Variants in F8 observed in about 807,000 individuals in gnomAD.
F8 encodes the protein coagulation factor VIII.
A neutral mutation model predicts 140.6 loss-of-function variants in F8; 12 were observed. That is an observed-to-expected ratio of 0.09 (90% CI 0.05 to 0.14). F8 has a LOEUF of 0.14. Ranked by LOEUF, F8 falls within the 10% of genes least tolerant of loss-of-function variation. The pLI, the probability that F8 is intolerant of heterozygous loss-of-function variation, is 1.00. For synonymous variants in F8, 585 were observed against 614.6 expected, an observed-to-expected ratio of 0.95 and a Z score of 0.71; for missense variants, 1,354 against 1,720.7, an observed-to-expected ratio of 0.79 and a Z score of 3.77.
chrX:155,007,413 A>G (rs1176449262), intron 1 of F8, among the ~76,000 whole-genome samples: 1 of 111,914 alleles, frequency 8.9e-6, no homozygotes, highest in African/African-American at 3.3e-5. Context: ...TGATCTAGCT[A>G]CTGTTGCCAC....
intron 22 of F8, among the ~76,000 whole-genome samples, chrX:154,895,359 A>C (rs2072973497): frequency 8.9e-6 from 1 of 112,259 alleles, no homozygotes; most frequent in South Asian, 3.7e-4. Flanking sequence ...GACAATGGGA[A>C]GACATTGAAA....
chrX:154,986,926 C>T (rs2073561612), intron 5 of F8, among the ~76,000 whole-genome samples: 1 of 111,125 alleles, frequency 9.0e-6, no homozygotes, highest in East Asian at 2.8e-4. Flanking sequence ...GGTTAAATAA[C>T]TTGCCAAAGG....
intron 10 of F8, 33 bp downstream of exon 10, chrX:154,961,042 T>A (rs1462376958): frequency 1.1e-6 from 1 of 949,297 alleles, no homozygotes; most frequent in Non-Finnish European, 1.5e-6. Context: ...TATCTACAGG[T>A]AAAAAAGAGC....
At position 154,930,106 on chromosome X, in the gene F8, T is replaced by G; in HGVS notation, c.3684A>C (p.Val1228=). 8.3e-7 allele frequency: 1 copy of G among 1,210,770 alleles called. No individual in the cohort carries two copies. The highest frequency in any genetic ancestry group is 1.1e-6 in the Non-Finnish European group (1 of 894,840). Residue 1228 remains valine (V), a synonymous_variant, in exon 14 of 26, where the codon GTA becomes GTC. Transcript: ENST00000360256. ...EKKETLIQEN[V]VLPQIHTVTG... ...TCACTGTATGTATCTGAGGCAAAAC[T>G]ACATTCTCTTGGATTAATGTTTCCT...
At chrX:155,021,896 C>A (rs1016072671) in intron 1 of F8, among the ~76,000 whole-genome samples, 31 of 111,842 alleles carry the variant, frequency 2.8e-4, no homozygotes, top group Non-Finnish European at 2.1e-4. Flanking sequence ...TTATTTAATA[C>A]TCTGCCTAAA....
chrX:154,936,023 C>CACACACAAAA (rs1338414054), intron 13 of F8, among the ~76,000 whole-genome samples: 5 of 93,678 alleles, frequency 5.3e-5, no homozygotes, highest in African/African-American at 1.8e-4. Context: ...CACACACACA[C>CACACACAAAA]AAAAATCAAA....
chrX:155,010,995 T>C (rs1415293717), intron 1 of F8, among the ~76,000 whole-genome samples: 2 of 112,239 alleles, frequency 1.8e-5, no homozygotes, highest in South Asian at 3.6e-4. Flanking sequence ...TGATTTGACA[T>C]TGATTTCTTA....
chrX:154,844,266 C>G (rs113786752), intron 25 of F8, among the ~76,000 whole-genome samples: 1 of 111,825 alleles, frequency 8.9e-6, no homozygotes, highest in East Asian at 2.8e-4. Flanking sequence ...ATTGACTTGG[C>G]AATGCGGGCT....
chrX:154,997,186 A>G (rs1557285183), intron 2 of F8, 91 bp from the exon 3 acceptor site: 1 of 1,022,991 alleles, frequency 9.8e-7, no homozygotes, highest in Non-Finnish European at 1.4e-6. Flanking sequence ...GTCACAGTGG[A>G]GAAGCATGCC....
At chrX:154,975,434 A>C (rs1284231552) in intron 6 of F8, among the ~76,000 whole-genome samples, 1 of 112,285 alleles carries the variant, frequency 8.9e-6, no homozygotes, top group Admixed American at 9.4e-5. Flanking sequence ...GCAGGAAAAA[A>C]ATACTTCATT....
intron 25 of F8, among the ~76,000 whole-genome samples, chrX:154,840,358 G>C (rs2072510629): frequency 9.0e-6 from 1 of 111,540 alleles, no homozygotes; most frequent in African/African-American, 3.3e-5. Flanking sequence ...AAGCCCTTCA[G>C]ACCAGTTTCT....
intron 25 of F8, among the ~76,000 whole-genome samples, chrX:154,846,426 T>C (rs2072566744): frequency 9.0e-6 from 1 of 111,610 alleles, no homozygotes; most frequent in Non-Finnish European, 1.9e-5. Context: ...CTAAGTCTCT[T>C]TGTAGGTCTC....
chrX:154,839,977 G>A (rs891224323), intron 25 of F8, among the ~76,000 whole-genome samples: 8 of 112,380 alleles, frequency 7.1e-5, no homozygotes, highest in Non-Finnish European at 1.3e-4. Context: ...TGTTTACGCT[G>A]TATTTGGAGG....
Position 154,904,475 on chromosome X carries a change from G to A in F8, c.5636C>T (p.Thr1879Ile), listed in dbSNP as rs200919346. The change falls in exon 17 of 26, where the codon ACT becomes ATT. Residue 1879 changes from threonine (T) to isoleucine (I), a missense_variant. Around this residue, in one of 4 missense-constraint regions of F8, gnomAD observed 316 missense variants for 485.4 expected, o/e 0.65. Transcript: ENST00000360256. ...GLIGPLLVCH[T>I]NTLNPAHGRQ... ...CCCATGAGCAGGGTTCAGTGTGTTA[G>A]TGTGGCAGACCAGAAGGGGTCCAAT... The A allele has an allele frequency of 3.3e-6, 4 of 1,211,490 alleles. No homozygotes were observed. Among genetic ancestry groups the A allele is most frequent in the South Asian group, 3.5e-5 (2 of 56,962 alleles).
chrX:154,904,162 T>A, intron 17 of F8, 74 bp from the exon 18 acceptor site: 1 of 1,129,949 alleles, frequency 8.8e-7, no homozygotes, highest in South Asian at 1.8e-5. Context: ...CCAAAAAAAC[T>A]GACATCTATG....
intron 25 of F8, among the ~76,000 whole-genome samples, chrX:154,848,677 C>T (rs2072590269): frequency 8.9e-6 from 1 of 111,753 alleles, no homozygotes; most frequent in African/African-American, 3.3e-5. Flanking sequence ...TTTCCAGGTG[C>T]CATCTGTCAC....
chrX:154,843,104 G>C (rs2072534390), intron 25 of F8, among the ~76,000 whole-genome samples: 1 of 111,781 alleles, frequency 8.9e-6, no homozygotes, highest in Non-Finnish European at 1.9e-5. Flanking sequence ...CTTCATCCAT[G>C]TCCCTACAAA....
intron 25 of F8, among the ~76,000 whole-genome samples, chrX:154,858,184 C>T (rs2072663929): frequency 8.9e-6 from 1 of 111,971 alleles, no homozygotes; most frequent in African/African-American, 3.2e-5. Context: ...TACCAGTCAT[C>T]CTTTTTACTC....
chrX:154,907,775 G>C (rs1412054207), intron 14 of F8, among the ~76,000 whole-genome samples: 3 of 111,234 alleles, frequency 2.7e-5, no homozygotes, highest in African/African-American at 9.8e-5. Flanking sequence ...ATATATCCTT[G>C]ATATGCTTTT....
Sources: allele counts gnomAD v4.1 joint callset (sites outside exome capture counted in the v4.1 genomes callset), GRCh38; gene constraint gnomAD v4.1.1; regional missense constraint gnomAD v4.1.1; transcripts MANE v1.5; gene names NCBI Gene and HGNC (gene_info 2026-07-23, HGNC 2026-07-21).